BTF3L4: variants seen among roughly 807,000 people sequenced by gnomAD.
The protein encoded by BTF3L4 is basic transcription factor 3 like 4.
Under a neutral mutation model 16.8 loss-of-function variants are expected in BTF3L4, and 6 were observed. The observed-to-expected ratio is 0.36, with a 90% CI of 0.20 to 0.71. BTF3L4 has a LOEUF of 0.71. BTF3L4 is among the 30% of genes least tolerant of loss of function. The pLI is 0.58. For synonymous variants in BTF3L4, 39 were observed against 59.8 expected, an observed-to-expected ratio of 0.65 and a Z score of 1.60; for missense variants, 92 against 186.9, an observed-to-expected ratio of 0.49 and a Z score of 2.96.
intron 3 of BTF3L4, among the ~76,000 whole-genome samples, chr1:52,076,811 C>T (rs1686946530): frequency 6.6e-6 from 1 of 152,162 alleles, no homozygotes; most frequent in Admixed American, 6.6e-5. Flanking sequence ...TCACATTCTT[C>T]AGTCTCACAA....
Position 52,064,754 on chromosome 1 carries a change from C to T in BTF3L4, c.55-71C>T, listed in dbSNP as rs112115377. ...ATGTGGGTTTTAGATTATTGTGATA[C>T]GTAAGATGTGATTGCAGTTGCCAGA... On this transcript the variant is annotated intron_variant, in intron 2 of 5. Coordinates refer to ENST00000313334, the MANE Select transcript of BTF3L4 (RefSeq NM_152265.5). 2.2e-5 allele frequency: 18 copies of T among 812,714 alleles called. No individual in the cohort carries two copies. The African/African-American group carries it at 2.8e-4, about 12-fold the overall frequency. The allele number at this position is 812,714 out of a possible 1,614,324, so 50.3% of individuals were successfully genotyped here.
chr1:52,086,966 G>T lies in BTF3L4; in HGVS notation c.*208G>T. ...CAGGATATTTTTTTGGTCAAAATAT[G>T]AAGTATTGGTGCAGTTTGAGGGTGT... On this transcript the variant is annotated 3_prime_UTR_variant, in exon 6 of 6. Transcript: ENST00000313334. 2.2e-6 allele frequency: 1 copy of T among 450,190 alleles called. No homozygotes were observed. The highest frequency in any genetic ancestry group is 4.0e-6 in the Non-Finnish European group (1 of 250,824). 27.9% of individuals were successfully genotyped at this position (450,190 alleles called of 1,614,324 possible).
At chr1:52,071,508 T>C (rs1686785715) in intron 3 of BTF3L4, among the ~76,000 whole-genome samples, 1 of 152,252 alleles carries the variant, frequency 6.6e-6, no homozygotes, top group Non-Finnish European at 1.5e-5. Context: ...GTTTCTAGTT[T>C]ATAGCATGCT....
rs113887221 is a variant in BTF3L4, at chr1:52,066,940, T to C, written c.168+2002T>C. Among the ~76,000 whole-genome samples, 292 of 150,388 alleles carry C rather than the reference T, an allele frequency of 1.9e-3. 1 individual carries two copies. The highest frequency in any genetic ancestry group is 6.9e-3 in the African/African-American group (284 of 41,032). On this transcript the variant is annotated intron_variant, in intron 3 of 5. Coordinates refer to ENST00000313334, the MANE Select transcript of BTF3L4 (RefSeq NM_152265.5). The stretch of plus-strand genomic sequence containing the variant: ...TGTGCTATAAAACAAGAATCAGAAA[T>C]AATGTGGAGGTAGGGGCTGGGCGCA...
In BTF3L4 at chr1:52,080,394, T is replaced by C. The variant is rs117558942; in HGVS notation, c.169-2946T>C. The stretch of plus-strand genomic sequence containing the variant: ...AAGTTCAACAAATATATAGCCTGAA[T>C]TTTTTGAACAATATTGATTTCAGAT... On this transcript the variant is annotated intron_variant, in intron 3 of 5. Coordinates refer to ENST00000313334, the MANE Select transcript of BTF3L4 (RefSeq NM_152265.5). Among the ~76,000 whole-genome samples the C allele has an allele frequency of 7.8e-4, 119 of 152,194 alleles. 3 individuals are homozygous for C. In the East Asian group the frequency reaches 0.02, roughly 26 times the overall value.
At chr1:52,062,496 G>A (rs746921426) in intron 2 of BTF3L4, among the ~76,000 whole-genome samples, 6 of 152,044 alleles carry the variant, frequency 3.9e-5, no homozygotes, top group Non-Finnish European at 7.4e-5. Flanking sequence ...CACCGCGCTC[G>A]GCCGGTACAG....
At chr1:52,060,380 GTT>G in intron 2 of BTF3L4, 1 of 986,690 alleles carries the variant, frequency 1.0e-6, no homozygotes, top group Non-Finnish European at 1.4e-6. Context: ...TTGTACAGAG[GTT>G]TAGCTGGAGA....
At chr1:52,078,746 C>CA (rs748154477) in intron 3 of BTF3L4, among the ~76,000 whole-genome samples, 3 of 151,820 alleles carry the variant, frequency 2.0e-5, no homozygotes, top group African/African-American at 4.8e-5. Flanking sequence ...AGTATTAAAG[C>CA]AAAAAATGAG....
At chr1:52,078,504 G>T (rs1170460532) in intron 3 of BTF3L4, among the ~76,000 whole-genome samples, 3 of 152,078 alleles carry the variant, frequency 2.0e-5, no homozygotes, top group Non-Finnish European at 4.4e-5. Flanking sequence ...CTTCTAGTAT[G>T]GTCAGTGATT....
At chr1:52,062,706 A>C (rs1390254010) in intron 2 of BTF3L4, among the ~76,000 whole-genome samples, 1 of 152,220 alleles carries the variant, frequency 6.6e-6, no homozygotes, top group African/African-American at 2.4e-5. Flanking sequence ...GGAAAATGGA[A>C]CAAAATGGAA....
intron 3 of BTF3L4, among the ~76,000 whole-genome samples, chr1:52,069,796 G>A (rs1686738506): frequency 2.6e-5 from 4 of 152,134 alleles, no homozygotes; most frequent in Admixed American, 1.3e-4. Flanking sequence ...CAAGTAAAGT[G>A]TTTCTCCATA....
At chr1:52,058,879 C>T (rs958016512) in intron 1 of BTF3L4, among the ~76,000 whole-genome samples, 1 of 152,180 alleles carries the variant, frequency 6.6e-6, no homozygotes, top group Non-Finnish European at 1.5e-5. Context: ...GGATTACAGG[C>T]GTGAGCCACC....
chr1:52,056,401 C>T (rs1686353174), intron 1 of BTF3L4, 22 bp downstream of exon 1: 1 of 153,462 alleles, frequency 6.5e-6, no homozygotes, highest in Non-Finnish European at 1.5e-5. Flanking sequence ...GGCGGTCCCG[C>T]CACTTCACGG....
intron 3 of BTF3L4, among the ~76,000 whole-genome samples, chr1:52,065,750 T>G (rs1686631010): frequency 6.6e-6 from 1 of 152,092 alleles, no homozygotes; most frequent in African/African-American, 2.4e-5. Context: ...TTAAAATGTA[T>G]TAGTCAGCCG....
At chr1:52,065,552 C>T (rs897127642) in intron 3 of BTF3L4, 1 of 152,158 alleles carries the variant, frequency 6.6e-6, no homozygotes, top group Non-Finnish European at 1.5e-5. Flanking sequence ...AGGTGTGAAC[C>T]ACCGCGCCCG....
At chr1:52,069,066 AATAG>A (rs1397602822) in intron 3 of BTF3L4, among the ~76,000 whole-genome samples, 1 of 152,196 alleles carries the variant, frequency 6.6e-6, no homozygotes, top group Admixed American at 6.5e-5. Flanking sequence ...AATGCCACAT[AATAG>A]ATATGTGGCA....
At chr1:52,073,689 CAAAAAAAAAAAAAAAAA>C (rs57529132) in intron 3 of BTF3L4, among the ~76,000 whole-genome samples, 1 of 67,646 alleles carries the variant, frequency 1.5e-5, no homozygotes, top group South Asian at 8.6e-4. Context: ...GCTGTCTCTA[CAAAAAAAAAAAAAAAAA>C]AAAAAAAAAA....
At chr1:52,082,060 A>T (rs1643928667) in intron 3 of BTF3L4, among the ~76,000 whole-genome samples, 1 of 152,164 alleles carries the variant, frequency 6.6e-6, no homozygotes, top group Admixed American at 6.5e-5. Context: ...AACTCTTCCT[A>T]ACCTTTTTAT....
intron 3 of BTF3L4, among the ~76,000 whole-genome samples, chr1:52,079,307 C>T (rs912051064): frequency 5.4e-5 from 8 of 148,422 alleles, no homozygotes; most frequent in Non-Finnish European, 1.0e-4. Context: ...CGCTTGAATC[C>T]GAGAGGAGGA....
Sources: gnomAD v4.1 joint callset for allele counts (sites outside exome capture counted in the v4.1 genomes callset) on GRCh38, gnomAD v4.1.1 for gene constraint, MANE v1.5 for transcripts, NCBI Gene and HGNC (gene_info 2026-07-23, HGNC 2026-07-21) for gene names.